Variants in DIAPH2 observed in about 807,000 individuals in gnomAD.
The protein encoded by DIAPH2 is protein diaphanous homolog 2.
A neutral mutation model predicts 92.7 loss-of-function variants in DIAPH2; 35 were observed. The observed-to-expected ratio is 0.38, with a 90% CI of 0.29 to 0.50. The LOEUF is 0.50. Ranked by LOEUF, DIAPH2 falls within the 20% of genes least tolerant of loss-of-function variation. The pLI is 0.94. For missense variants in DIAPH2, 701 were observed against 819.5 expected (o/e 0.86, Z 1.77); for synonymous variants, 301 against 280.4 (o/e 1.07, Z -0.73).
At chrX:97,511,079 GAATCTAT>G (rs1416088036) in intron 26 of DIAPH2, among the ~76,000 whole-genome samples, 1 of 103,860 alleles carries the variant, frequency 9.6e-6, no homozygotes, top group Admixed American at 1.0e-4. Flanking sequence ...GGATGGCATT[GAATCTAT>G]AAATTACCTT....
intron 23 of DIAPH2, among the ~76,000 whole-genome samples, chrX:97,301,326 A>G (rs2068704014): frequency 9.0e-6 from 1 of 111,055 alleles, no homozygotes; most frequent in Non-Finnish European, 1.9e-5. Flanking sequence ...AATATTTGTT[A>G]CATATGATAC....
intron 17 of DIAPH2, 25 bp from the exon 18 acceptor site, chrX:97,072,916 T>C: frequency 9.4e-7 from 1 of 1,065,381 alleles, no homozygotes; most frequent in Non-Finnish European, 1.3e-6. Flanking sequence ...CCTTATTGTT[T>C]ATGAATCAAC....
Position 97,275,522 on chromosome X carries a change from G to A in DIAPH2, c.2844+27683G>A, listed in dbSNP as rs762487694. 8.4e-3 allele frequency among the ~76,000 whole-genome samples: 894 copies of A among 106,529 alleles called. 6 individuals carry two copies. Among genetic ancestry groups the A allele is most frequent in the African/African-American group, 0.029 (851 of 29,190 alleles). 92.5% of individuals were successfully genotyped at this position (106,529 alleles called of 115,157 possible). A position where few individuals can be genotyped will look rare whatever the true frequency, so the allele number is the denominator to read the frequency against. ...CGGAGGGGCTCCTCACTTCTCAGACGGGGCGGCTGCCGGGCGGAGGGGCTC... is the reference window on the plus strand; with the variant it reads ...CGGAGGGGCTCCTCACTTCTCAGACAGGGCGGCTGCCGGGCGGAGGGGCTC... On this transcript the variant is annotated intron_variant, in intron 23 of 26. Transcript: ENST00000324765.
intron 23 of DIAPH2, among the ~76,000 whole-genome samples, chrX:97,294,305 C>A (rs1390398250): frequency 1.8e-5 from 2 of 111,772 alleles, no homozygotes; most frequent in Non-Finnish European, 1.9e-5. Context: ...AGATAACATC[C>A]TTATTTATTA....
At chrX:96,887,981 GTA>G (rs746642047) in intron 5 of DIAPH2, among the ~76,000 whole-genome samples, 7 of 110,471 alleles carry the variant, frequency 6.3e-5, no homozygotes, top group Non-Finnish European at 9.5e-5. Flanking sequence ...GTGTGTGTGT[GTA>G]TGTGTGTGTG....
At chrX:97,275,494 G>C (rs1446273946) in intron 23 of DIAPH2, among the ~76,000 whole-genome samples, 1 of 106,558 alleles carries the variant, frequency 9.4e-6, no homozygotes, top group East Asian at 3.1e-4. Context: ...GGCGGCTGCC[G>C]GGCGGAGGGG....
chrX:96,969,290 A>G (rs983577250), intron 17 of DIAPH2, among the ~76,000 whole-genome samples: 1 of 111,306 alleles, frequency 9.0e-6, no homozygotes, highest in African/African-American at 3.3e-5. Context: ...TTTGGTAGGA[A>G]TAGTATTGAA....
intron 17 of DIAPH2, among the ~76,000 whole-genome samples, chrX:97,047,669 G>A (rs1423355816): frequency 3.0e-5 from 3 of 101,689 alleles, no homozygotes; most frequent in Non-Finnish European, 5.9e-5. Context: ...AGGCTCAATA[G>A]GAGTCCTTGT....
chrX:97,495,723 G>C (rs181927662), intron 26 of DIAPH2, among the ~76,000 whole-genome samples: 263 of 111,720 alleles, frequency 2.4e-3, no homozygotes, highest in Middle Eastern at 0.014. Context: ...AAAAGTTTTT[G>C]AAAACTTGTT....
At chrX:97,051,307 A>G (rs2066518500) in intron 17 of DIAPH2, among the ~76,000 whole-genome samples, 1 of 110,392 alleles carries the variant, frequency 9.1e-6, no homozygotes, top group African/African-American at 3.3e-5. Flanking sequence ...CATTTTTTCC[A>G]GGTGGTTTGG....
chrX:97,570,131 T>TAGA (rs1230477449), intron 26 of DIAPH2, among the ~76,000 whole-genome samples: 2 of 48,698 alleles, frequency 4.1e-5, no homozygotes, highest in African/African-American at 1.3e-4. Flanking sequence ...TATTAGAAGA[T>TAGA]AGATAGATAG....
rs896546514 is a variant in DIAPH2, at chrX:97,103,160, C to T, written c.2349+3365C>T. 5.4e-5 allele frequency among the ~76,000 whole-genome samples: 6 copies of T among 111,591 alleles called. No individual in the cohort carries two copies. The East Asian group carries it at 1.7e-3, about 31-fold the overall frequency. The stretch of plus-strand genomic sequence containing the variant: ...CAGTTTTGGGCATTGTTATGCACTG[C>T]CTACTTTAGGTGGTAGTATCTCTTG... On this transcript the variant is annotated intron_variant, in intron 20 of 26. Transcript: ENST00000324765.
At chrX:97,349,737 A>G (rs1486203764) in intron 24 of DIAPH2, among the ~76,000 whole-genome samples, 3 of 110,716 alleles carry the variant, frequency 2.7e-5, no homozygotes, top group Non-Finnish European at 5.6e-5. Flanking sequence ...ATAGAGACAC[A>G]TACTTTTTAG....
At chrX:97,534,788 G>T (rs2071084208) in intron 26 of DIAPH2, among the ~76,000 whole-genome samples, 1 of 111,383 alleles carries the variant, frequency 9.0e-6, no homozygotes, top group Non-Finnish European at 1.9e-5. Context: ...AAACAAAAAT[G>T]ATGAAAAGTA....
intron 26 of DIAPH2, among the ~76,000 whole-genome samples, chrX:97,551,036 G>T (rs905934002): frequency 6.6e-5 from 5 of 75,745 alleles, no homozygotes; most frequent in African/African-American, 1.3e-4. Context: ...TTTTTAAAAA[G>T]ACTTTTTTTT....
chrX:97,220,357 A>G (rs1569333182), intron 22 of DIAPH2, among the ~76,000 whole-genome samples: 1 of 107,218 alleles, frequency 9.3e-6, no homozygotes, highest in Non-Finnish European at 1.9e-5. Flanking sequence ...ATCAGTGCTT[A>G]CAAGTTTTAG....
chrX:96,793,024 G>A (rs2064511789), intron 4 of DIAPH2, among the ~76,000 whole-genome samples: 1 of 111,921 alleles, frequency 8.9e-6, no homozygotes, highest in Non-Finnish European at 1.9e-5. Context: ...AAGTATACTT[G>A]TCAAGGAATA....
At chrX:97,473,859 C>G (rs2070583840) in intron 26 of DIAPH2, among the ~76,000 whole-genome samples, 1 of 111,418 alleles carries the variant, frequency 9.0e-6, no homozygotes, top group Non-Finnish European at 1.9e-5. Context: ...ACTCAGGAGG[C>G]TGAGGCAGGA....
intron 22 of DIAPH2, among the ~76,000 whole-genome samples, chrX:97,165,162 G>T (rs1172520323): frequency 9.0e-6 from 1 of 111,506 alleles, no homozygotes; most frequent in African/African-American, 3.3e-5. Flanking sequence ...GACTTAATAT[G>T]CTAGGAAAGA....
Sources: allele counts gnomAD v4.1 joint callset (sites outside exome capture counted in the v4.1 genomes callset), GRCh38; gene constraint gnomAD v4.1.1; transcripts MANE v1.5; gene names NCBI Gene and HGNC (gene_info 2026-07-23, HGNC 2026-07-21).